CD55: variants seen among roughly 807,000 people sequenced by gnomAD.
The protein encoded by CD55 is CD55 molecule (Cromer blood group).
Under a neutral mutation model 45.8 loss-of-function variants are expected in CD55, and 41 were observed. The ratio of observed to expected loss-of-function variants is 0.90; its 90% CI spans 0.70 to 1.16. CD55 has a LOEUF of 1.16. Ranked by LOEUF, CD55 falls within the 50% of genes most tolerant of loss-of-function variation. CD55 has a pLI of 0.00. For missense variants in CD55, 416 were observed against 469.8 expected (o/e 0.89, Z 1.06); for synonymous variants, 181 against 181.1 (o/e 1.00, Z 0.01).
In CD55 at chr1:207,324,770, G is replaced by A. The variant is rs754843923; in HGVS notation, c.478+20G>A. ...GTAAAAGTGAGTAAAATTTTTTAAA[G>A]TATTTTCAACCATCTGGTGTTTGGG... On this transcript the variant is annotated intron_variant, in intron 3 of 9. Coordinates refer to ENST00000367064, the MANE Select transcript of CD55 (RefSeq NM_000574.5). 46 of 1,537,764 alleles carry A rather than the reference G, an allele frequency of 3.0e-5. 1 individual carries two copies. In the South Asian group the frequency reaches 4.3e-4, roughly 14 times the overall value.
At chr1:207,330,394 T>A (rs1654890456) in intron 5 of CD55, among the ~76,000 whole-genome samples, 1 of 152,054 alleles carries the variant, frequency 6.6e-6, no homozygotes, top group Non-Finnish European at 1.5e-5. Flanking sequence ...GAATTTTTTC[T>A]CAGGGTAACT....
chr1:207,353,047 T>TTTG (rs1479336493), intron 9 of CD55, among the ~76,000 whole-genome samples: 6 of 137,212 alleles, frequency 4.4e-5, no homozygotes, highest in Non-Finnish European at 9.5e-5. Flanking sequence ...CAGGTTTTTT[T>TTTG]TTTTTTTTTT....
At chr1:207,350,787 T>G (rs1416923770) in intron 9 of CD55, among the ~76,000 whole-genome samples, 1 of 152,162 alleles carries the variant, frequency 6.6e-6, no homozygotes, top group Admixed American at 6.5e-5. Flanking sequence ...TATTTATTCT[T>G]TCAAAAAACC....
intron 9 of CD55, among the ~76,000 whole-genome samples, chr1:207,345,677 T>C (rs780473322): frequency 3.4e-4 from 51 of 152,202 alleles, no homozygotes; most frequent in Non-Finnish European, 5.3e-4. Flanking sequence ...GAAGTTGATA[T>C]CTGTGCATCT....
At position 207,335,772 on chromosome 1, in the gene CD55, T is replaced by G. The variant is rs1037881349; in HGVS notation, c.854-921T>G. On this transcript the variant is annotated intron_variant, in intron 6 of 9. Coordinates refer to ENST00000367064, the MANE Select transcript of CD55 (RefSeq NM_000574.5). ...ATCTGAGTTCCTAGGGCATCCCGTG[T>G]GTGATGGGGCTGGCAACAGTCATCC... is the stretch of plus-strand genomic sequence containing the variant. Among the ~76,000 whole-genome samples the G allele has an allele frequency of 3.9e-5, 6 of 152,230 alleles. No homozygotes were observed. In the East Asian group the frequency reaches 1.2e-3, roughly 29 times the overall value.
chr1:207,329,359 C>T (rs1397734272), intron 5 of CD55, among the ~76,000 whole-genome samples: 1 of 152,226 alleles, frequency 6.6e-6, no homozygotes, highest in Admixed American at 6.5e-5. Flanking sequence ...TAGCAATGGC[C>T]TCCTGCCTCC....
intron 1 of CD55, 96 bp downstream of exon 1, chr1:207,321,961 T>C: frequency 1.2e-6 from 1 of 854,244 alleles, no homozygotes; most frequent in Middle Eastern, 3.6e-4. Context: ...ACTTGGCAGG[T>C]GGGGAGCTTG....
At chr1:207,350,286 A>G (rs915119664) in intron 9 of CD55, 25 of 308,106 alleles carry the variant, frequency 8.1e-5, no homozygotes, top group African/African-American at 4.8e-4. Context: ...GGATTTTTGC[A>G]TTTACTTTCA....
At position 207,337,322 on chromosome 1, in the gene CD55, A is replaced by G; in HGVS notation, c.980-7A>G. On this transcript the variant is annotated splice_polypyrimidine_tract_variant and splice_region_variant and intron_variant, in intron 7 of 9. Transcript: ENST00000367064. ...TACACAAAGATTCCCTTCTGCTCAT[A>G]TTACAGCAACACGGAGTACACCTGT... 2 of 1,581,180 alleles carry G rather than the reference A, an allele frequency of 1.3e-6. No homozygotes were observed. Among genetic ancestry groups the G allele is most frequent in the Non-Finnish European group, 8.7e-7 (1 of 1,150,114 alleles).
chr1:207,346,365 G>A (rs767419267), intron 9 of CD55, among the ~76,000 whole-genome samples: 2 of 152,154 alleles, frequency 1.3e-5, no homozygotes, highest in African/African-American at 2.4e-5. Context: ...AGAGGGTGAC[G>A]CTGGGCCAGA....
chr1:207,353,940 G>C, intron 9 of CD55: 1 of 1,456,064 alleles, frequency 6.9e-7, no homozygotes, highest in Admixed American at 2.0e-5. Flanking sequence ...TATGATATAA[G>C]CAAGAACAAA....
chr1:207,358,088 CA>C (rs1656147037), intron 9 of CD55, among the ~76,000 whole-genome samples: 1 of 152,152 alleles, frequency 6.6e-6, no homozygotes, highest in South Asian at 2.1e-4. Flanking sequence ...TGGGGTTTTG[CA>C]GTGAACTTAA....
intron 9 of CD55, chr1:207,347,207 T>C (rs1378676098): frequency 2.2e-6 from 1 of 456,222 alleles, no homozygotes; most frequent in Non-Finnish European, 4.4e-6. Flanking sequence ...TGATACTGTC[T>C]TAGGAAAACA....
rs922186269 is a variant in CD55, at chr1:207,337,276, A to G, written c.980-53A>G. The G allele has an allele frequency of 7.2e-6, 8 of 1,106,932 alleles. No homozygotes were observed. In the Admixed American group the frequency reaches 1.2e-4, roughly 17 times the overall value. 68.6% of individuals were successfully genotyped at this position (1,106,932 alleles called of 1,614,324 possible). A position where few individuals can be genotyped will look rare whatever the true frequency, so the allele number is the denominator to read the frequency against. On this transcript the variant is annotated intron_variant, in intron 7 of 9. Transcript: ENST00000367064. ...GTAAGTCCACTAATGTACATTCCCCAGTGACTAATGGTCTCAAGAGTACAC... is the reference window on the plus strand; with the variant it reads ...GTAAGTCCACTAATGTACATTCCCCGGTGACTAATGGTCTCAAGAGTACAC...
intron 9 of CD55, among the ~76,000 whole-genome samples, chr1:207,359,173 CTCTTAA>C (rs1333435552): frequency 6.6e-6 from 1 of 152,084 alleles, no homozygotes; most frequent in African/African-American, 2.4e-5. Context: ...GTGTCTTCAT[CTCTTAA>C]TCTTCTCTTC....
At chr1:207,333,308 C>T (rs1281378636) in intron 6 of CD55, among the ~76,000 whole-genome samples, 1 of 152,154 alleles carries the variant, frequency 6.6e-6, no homozygotes, top group Non-Finnish European at 1.5e-5. Flanking sequence ...CTGCCACCTT[C>T]CAAAGGTGAA....
chr1:207,340,433 G>A (rs555870191), intron 9 of CD55: 27 of 620,278 alleles, frequency 4.4e-5, no homozygotes, highest in South Asian at 2.3e-4. Flanking sequence ...TGGTGTGATC[G>A]TAGCTCACTG....
chr1:207,323,461 T>C (rs1654524608), intron 2 of CD55, among the ~76,000 whole-genome samples: 1 of 152,134 alleles, frequency 6.6e-6, no homozygotes, highest in Non-Finnish European at 1.5e-5. Flanking sequence ...ATTTCTTGTT[T>C]TAGGTGAATA....
Position 207,347,934 on chromosome 1 carries a change from AATATCCCGTGGTGT to A in CD55, c.1081+8522_1081+8535del, listed in dbSNP as rs533341436. On this transcript the variant is annotated intron_variant, in intron 9 of 9. Transcript: ENST00000367064. ...ATTTCATTCCTTTCTATGTTTGTGTAATATCCCGTGGTGTATATATACCACATTTTCTTTATCCA... is the reference window on the plus strand; with the variant it reads ...ATTTCATTCCTTTCTATGTTTGTGTAATATATACCACATTTTCTTTATCCA... Among the ~76,000 whole-genome samples the A allele has an allele frequency of 7.4e-4, 113 of 152,324 alleles. 1 individual carries two copies. The highest frequency in any genetic ancestry group is 1.7e-3 in the Admixed American group (26 of 15,306).
Sources: allele counts gnomAD v4.1 joint callset (sites outside exome capture counted in the v4.1 genomes callset), GRCh38; gene constraint gnomAD v4.1.1; transcripts MANE v1.5; gene names NCBI Gene and HGNC (gene_info 2026-07-23, HGNC 2026-07-21).